CELF2: variants seen among roughly 807,000 people sequenced by gnomAD.
CELF2 encodes the protein CUG triplet repeat RNA-binding protein 2.
A neutral mutation model predicts 62.6 loss-of-function variants in CELF2; 8 were observed. The observed-to-expected ratio is 0.13, with a 90% CI of 0.07 to 0.23. The LOEUF is 0.23. Ranked by LOEUF, CELF2 falls within the 10% of genes least tolerant of loss-of-function variation. The pLI is 1.00. For missense variants in CELF2, 333 were observed against 671.0 expected (o/e 0.50, Z 5.56); for synonymous variants, 258 against 250.0 (o/e 1.03, Z -0.30).
the CELF2 span, among the ~76,000 whole-genome samples, chr10:10,579,562 T>A: frequency 1.3e-5 from 2 of 152,154 alleles, no homozygotes; most frequent in Admixed American, 1.3e-4. Context: ...TAGATACAGA[T>A]GTATAAATAC....
chr10:10,528,286 T>C, the CELF2 span, among the ~76,000 whole-genome samples: 1 of 152,088 alleles, frequency 6.6e-6, no homozygotes, highest in Non-Finnish European at 1.5e-5. Flanking sequence ...AGGCACAGAT[T>C]GCTGGGAGGG....
chr10:11,187,327 A>G (rs999215104), intron 2 of CELF2, among the ~76,000 whole-genome samples: 3 of 152,088 alleles, frequency 2.0e-5, no homozygotes, highest in Non-Finnish European at 2.9e-5. Flanking sequence ...AATTATTATG[A>G]TATTAGTATA....
At chr10:11,283,967 GT>G (rs138854158) in intron 8 of CELF2, among the ~76,000 whole-genome samples, 14 of 50,372 alleles carry the variant, frequency 2.8e-4, no homozygotes, top group Non-Finnish European at 3.0e-4. Context: ...TGTGTGGTGG[GT>G]GGATGACGGA....
chr10:10,605,016 C>A, the CELF2 span, among the ~76,000 whole-genome samples: 2 of 152,166 alleles, frequency 1.3e-5, no homozygotes, highest in African/African-American at 4.8e-5. Flanking sequence ...GACATGGAAT[C>A]AACCCAAATG....
At chr10:10,884,763 A>G (rs2061648790) in intron 1 of CELF2, among the ~76,000 whole-genome samples, 1 of 152,206 alleles carries the variant, frequency 6.6e-6, no homozygotes, top group Non-Finnish European at 1.5e-5. Context: ...ACTAGGGCCC[A>G]GCTAGTTTAG....
Position 11,288,490 on chromosome 10 carries a change from C to G in CELF2, c.914C>G (p.Thr305Ser). Residue 305 changes from threonine (T) to serine (S), a missense_variant, in exon 9 of 13, where the codon ACC (threonine) becomes AGC (serine). Transcript: ENST00000633077. ...GCAGCTGCGGCCCAGACCTCAGCCA[C>G]CAGCACCAATGCAAACCCTCTCTCT... ...AAAAAAQTSATSTNANPLSTT... is the reference protein window; with the variant it reads ...AAAAAAQTSASSTNANPLSTT... 1 of 1,614,014 alleles carries G rather than the reference C, an allele frequency of 6.2e-7. No homozygotes were observed.
chr10:11,040,604 C>T (rs2061671060), intron 1 of CELF2, among the ~76,000 whole-genome samples: 1 of 151,942 alleles, frequency 6.6e-6, no homozygotes, highest in South Asian at 2.1e-4. Flanking sequence ...TGTTGTTGTT[C>T]CTTGGTTCAA....
chr10:11,056,676 G>T (rs2065313160), intron 1 of CELF2, among the ~76,000 whole-genome samples: 1 of 152,182 alleles, frequency 6.6e-6, no homozygotes, highest in Non-Finnish European at 1.5e-5. Flanking sequence ...TGGTAGAAAT[G>T]AGCCTTGTGA....
rs1282063509 is a variant in CELF2 at position 10,997,435 on chromosome 10, C to G, written c.89+77436C>G. ...TGAATCACCATATTGGTCTCACCTT[C>G]CAGGAAGGAAGGCTGATGCACTCCA... On this transcript the variant is annotated intron_variant, in intron 2 of 13. Coordinates refer to the CELF2 transcript ENST00000636488. The surrounding 1 kb of genome is among the most constrained non-coding windows in gnomAD (Gnocchi z 5.3). Among the ~76,000 whole-genome samples, 1 of 152,190 alleles carries G rather than the reference C, an allele frequency of 6.6e-6. No homozygotes were observed. The highest frequency in any genetic ancestry group is 1.5e-5 in the Non-Finnish European group (1 of 68,034).
At chr10:10,628,189 C>T in the CELF2 span, among the ~76,000 whole-genome samples, 33,471 of 152,140 alleles carry the variant, frequency 0.22, 4,371 homozygotes, top group Non-Finnish European at 0.3. Flanking sequence ...CAGCCATGAG[C>T]CACCATGCCC....
chr10:10,957,022 C>G lies in CELF2; in HGVS notation c.89+37023C>G, dbSNP rs2048980464. On this transcript the variant is annotated intron_variant, in intron 2 of 13. Transcript: ENST00000636488. The surrounding 1 kb of genome is among the most constrained non-coding windows in gnomAD (Gnocchi z 4.1). ...TCTTAGAATGAGCCTAACGCTGCTT[C>G]CTATAACTCCAATGAGTGGCCCCAC... is the stretch of plus-strand genomic sequence containing the variant. Among the ~76,000 whole-genome samples the G allele has an allele frequency of 6.6e-6, 1 of 152,162 alleles. No individual in the cohort carries two copies. The highest frequency in any genetic ancestry group is 1.5e-5 in the Non-Finnish European group (1 of 68,034).
chr10:10,698,623 C>A, the CELF2 span, among the ~76,000 whole-genome samples: 18 of 152,312 alleles, frequency 1.2e-4, no homozygotes, highest in East Asian at 3.5e-3. Context: ...GCTTGTGCAA[C>A]CAACACGTTT....
At position 11,242,754 on chromosome 10, in the gene CELF2, G is replaced by T. The variant is rs2074353401; in HGVS notation, c.355-6399G>T. ...CCAGTCACAGGCCAGCCAGGGTGAG[G>T]ACCAGGGTGGACCACTCAGCTCTGG... is the stretch of plus-strand genomic sequence containing the variant. On this transcript the variant is annotated intron_variant, in intron 3 of 12. Coordinates refer to ENST00000633077, the MANE Select transcript of CELF2 (RefSeq NM_001326342.2). This position sits in a 1 kb window ranked among gnomAD's most constrained non-coding sequence, Gnocchi z 4.8. 6.6e-6 allele frequency among the ~76,000 whole-genome samples: 1 copy of T among 152,204 alleles called. No homozygotes were observed. The highest frequency in any genetic ancestry group is 1.5e-5 in the Non-Finnish European group (1 of 68,040).
At chr10:10,783,210 C>A in the CELF2 span, among the ~76,000 whole-genome samples, 638 of 152,330 alleles carry the variant, frequency 4.2e-3, 5 homozygotes, top group African/African-American at 0.014. Context: ...GTATCTGTGA[C>A]TGTGACCTTA....
intron 1 of CELF2, among the ~76,000 whole-genome samples, chr10:10,876,612 T>C (rs1486694504): frequency 6.6e-6 from 1 of 152,198 alleles, no homozygotes; most frequent in African/African-American, 2.4e-5. Flanking sequence ...GGTTTTTTGA[T>C]GTCTGCAGGA....
At chr10:11,021,877 T>A (rs2138135496) in intron 1 of CELF2, among the ~76,000 whole-genome samples, 1 of 152,374 alleles carries the variant, frequency 6.6e-6, no homozygotes, top group Middle Eastern at 3.4e-3. Flanking sequence ...GTATGTCACC[T>A]GATCAGGATT....
intron 1 of CELF2, among the ~76,000 whole-genome samples, chr10:11,065,769 G>A (rs1445416194): frequency 6.6e-6 from 1 of 152,166 alleles, no homozygotes; most frequent in Non-Finnish European, 1.5e-5. Context: ...AACTTACTTA[G>A]AAGGTACTAT....
chr10:10,618,156 C>T, the CELF2 span, among the ~76,000 whole-genome samples: 1 of 152,040 alleles, frequency 6.6e-6, no homozygotes, highest in Non-Finnish European at 1.5e-5. Flanking sequence ...CTTTCCAATC[C>T]AGTATCTGGA....
chr10:11,205,214 T>C (rs976468038), intron 2 of CELF2, among the ~76,000 whole-genome samples: 1 of 152,200 alleles, frequency 6.6e-6, no homozygotes, highest in Non-Finnish European at 1.5e-5. Flanking sequence ...ATTAAAGGGC[T>C]CGTGGTCATC....
Sources: allele counts gnomAD v4.1 joint callset (sites outside exome capture counted in the v4.1 genomes callset), GRCh38; gene constraint gnomAD v4.1.1; non-coding constraint Gnocchi (gnomAD v3.1); transcripts MANE v1.5; gene names NCBI Gene and HGNC (gene_info 2026-07-23, HGNC 2026-07-21).